ZFAND3: variants seen among roughly 807,000 people sequenced by gnomAD.
ZFAND3 encodes AN1-type zinc finger protein 3.
ZFAND3 carries 10 observed loss-of-function variants against 29.6 expected under a neutral mutation model. That is an observed-to-expected ratio of 0.34 (90% confidence interval 0.21 to 0.57). The LOEUF (loss-of-function observed/expected upper bound fraction) is 0.57, where lower values mean the gene tolerates loss of function less well. ZFAND3 is among the 20% of genes least tolerant of loss of function. ZFAND3 has a pLI of 0.86. For synonymous variants in ZFAND3, 128 were observed against 112.6 expected (o/e 1.14, Z -0.87); for missense variants, 230 against 304.5 (o/e 0.76, Z 1.82).
At chr6:37,877,127 T>C (rs1764808946) in intron 1 of ZFAND3, among the ~76,000 whole-genome samples, 1 of 152,216 alleles carries the variant, frequency 6.6e-6, no homozygotes, top group Non-Finnish European at 1.5e-5. Context: ...TTAAAATTTA[T>C]TTCACCAGTG....
At chr6:38,017,249 C>T (rs9369029) in intron 2 of ZFAND3, among the ~76,000 whole-genome samples, 45,795 of 152,062 alleles carry the variant, frequency 0.3, 7,463 homozygotes, top group East Asian at 0.57. Context: ...GTGGAAACAC[C>T]AGTCCAAAAG....
At chr6:37,941,428 G>A (rs1293501632) in intron 2 of ZFAND3, among the ~76,000 whole-genome samples, 1 of 152,172 alleles carries the variant, frequency 6.6e-6, no homozygotes, top group Non-Finnish European at 1.5e-5. Flanking sequence ...AAACAGTGCT[G>A]AAAGCTTCAC....
At chr6:37,908,705 A>G (rs910226174) in intron 1 of ZFAND3, among the ~76,000 whole-genome samples, 5 of 150,324 alleles carry the variant, frequency 3.3e-5, no homozygotes, top group African/African-American at 9.7e-5. Flanking sequence ...ATCCTTTGCA[A>G]TATCCTTTAT....
At chr6:38,106,946 G>A (rs917310145) in intron 4 of ZFAND3, among the ~76,000 whole-genome samples, 12 of 152,040 alleles carry the variant, frequency 7.9e-5, no homozygotes, top group African/African-American at 2.9e-4. Context: ...ATGAAATTGT[G>A]GTTATTTTTA....
intron 1 of ZFAND3, among the ~76,000 whole-genome samples, chr6:37,836,335 A>G (rs1158886688): frequency 6.6e-6 from 1 of 152,240 alleles, no homozygotes; most frequent in Admixed American, 6.5e-5. Context: ...TATAGAGTGA[A>G]AAGATAACTA....
At chr6:37,944,688 TAAGTAATGACAATA>T (rs1315697907) in intron 2 of ZFAND3, among the ~76,000 whole-genome samples, 1 of 152,186 alleles carries the variant, frequency 6.6e-6, no homozygotes, top group Non-Finnish European at 1.5e-5. Context: ...TTTGAGAACT[TAAGTAATGACAATA>T]CTAAGTATTT....
chr6:37,904,671 CTAAAAGCAAAA>C (rs1256792694), intron 1 of ZFAND3, among the ~76,000 whole-genome samples: 4 of 152,130 alleles, frequency 2.6e-5, no homozygotes, highest in African/African-American at 9.7e-5. Flanking sequence ...ATGTTCACTT[CTAAAAGCAAAA>C]TAAGGAAAAT....
At chr6:38,016,555 T>A (rs182949247) in intron 2 of ZFAND3, among the ~76,000 whole-genome samples, 2 of 152,374 alleles carry the variant, frequency 1.3e-5, no homozygotes, top group Admixed American at 6.5e-5. Context: ...TCCTCCTGGA[T>A]AAGCTTGCTT....
chr6:38,086,864 A>G (rs976538973), intron 4 of ZFAND3, among the ~76,000 whole-genome samples: 4 of 152,222 alleles, frequency 2.6e-5, no homozygotes, highest in East Asian at 3.8e-4. Context: ...TGGAACAACA[A>G]AAGACCCAGA....
At chr6:38,010,375 G>T (rs538202027) in intron 2 of ZFAND3, among the ~76,000 whole-genome samples, 1 of 152,150 alleles carries the variant, frequency 6.6e-6, no homozygotes, top group Admixed American at 6.5e-5. Flanking sequence ...TCCTTCTAAT[G>T]AAATGATGTT....
At chr6:38,134,520 C>T (rs946126059) in intron 5 of ZFAND3, among the ~76,000 whole-genome samples, 3 of 152,180 alleles carry the variant, frequency 2.0e-5, no homozygotes, top group African/African-American at 7.2e-5. Flanking sequence ...AAACAGTGCA[C>T]AGGTGACCAA....
chr6:38,119,443 C>A (rs1341355199), intron 5 of ZFAND3, among the ~76,000 whole-genome samples: 21 of 152,318 alleles, frequency 1.4e-4, no homozygotes, highest in Non-Finnish European at 8.8e-5. Context: ...TATTCGCAAT[C>A]TTTTCTTCCA....
At chr6:37,916,082 T>A (rs1380985013) in intron 1 of ZFAND3, among the ~76,000 whole-genome samples, 12 of 113,014 alleles carry the variant, frequency 1.1e-4, no homozygotes, top group Non-Finnish European at 1.5e-4. Context: ...GTGTTTTTTT[T>A]AACTTAAAAA....
intron 2 of ZFAND3, among the ~76,000 whole-genome samples, chr6:38,059,423 C>T (rs1764193425): frequency 6.6e-6 from 1 of 152,036 alleles, no homozygotes. Flanking sequence ...TACTTGTAGC[C>T]TTATTCATTT....
intron 1 of ZFAND3, among the ~76,000 whole-genome samples, chr6:37,895,459 C>CTTTTTTTTTTTTTTTTTTTTT (rs11331881): frequency 1.3e-5 from 1 of 76,770 alleles, no homozygotes. Flanking sequence ...CTCAGAGGTT[C>CTTTTTTTTTTTTTTTTTTTTT]TTTTTTTTTT....
chr6:38,083,455 T>C (rs982719382), intron 4 of ZFAND3, among the ~76,000 whole-genome samples: 2 of 151,790 alleles, frequency 1.3e-5, no homozygotes, highest in African/African-American at 2.4e-5. Context: ...CTAGGTAGAG[T>C]AGATTTCTTT....
intron 4 of ZFAND3, among the ~76,000 whole-genome samples, chr6:38,085,393 GA>G (rs1315746743): frequency 6.6e-6 from 1 of 152,104 alleles, no homozygotes; most frequent in Non-Finnish European, 1.5e-5. Context: ...AAGCAGCCTT[GA>G]GCTTAATAAT....
chr6:38,062,720 C>G (rs1044205572), intron 3 of ZFAND3: 2 of 152,234 alleles, frequency 1.3e-5, no homozygotes, highest in Non-Finnish European at 2.9e-5. Flanking sequence ...CTCTTTCCCT[C>G]CATCCCCCAT....
rs769179779 is a variant in ZFAND3 at position 38,027,094 on chromosome 6, G to C, written c.113-34499G>C. On this transcript the variant is annotated intron_variant, in intron 2 of 5. Transcript: ENST00000287218. ...AGCCTACAGGGCTCTAAGGACACAGGTTCTAGTGATGGATAGTGAACAGTT... is the reference window on the plus strand; with the variant it reads ...AGCCTACAGGGCTCTAAGGACACAGCTTCTAGTGATGGATAGTGAACAGTT... Among the ~76,000 whole-genome samples, 63 of 152,318 alleles carry C rather than the reference G, an allele frequency of 4.1e-4. 1 individual carries two copies. The highest frequency in any genetic ancestry group is 4.1e-3 in the Admixed American group (63 of 15,302).
Sources: allele counts gnomAD v4.1 joint callset (sites outside exome capture counted in the v4.1 genomes callset), GRCh38; gene constraint gnomAD v4.1.1; transcripts MANE v1.5; gene names NCBI Gene and HGNC (gene_info 2026-07-23, HGNC 2026-07-21).